Variants in TMEM63C observed in about 807,000 individuals in gnomAD.
The protein encoded by TMEM63C is transmembrane protein 63C.
In TMEM63C, 32 loss-of-function variants were observed where a neutral mutation model predicts 99.2. The observed-to-expected ratio is 0.32, with a 90% CI of 0.24 to 0.43. TMEM63C has a LOEUF of 0.43. TMEM63C is among the 20% of genes least tolerant of loss of function. The probability of loss-of-function intolerance (pLI) is 1.00; values close to 1 mark genes in which losing one functional copy is unlikely to be tolerated. For synonymous variants in TMEM63C, 376 were observed against 397.9 expected, an observed-to-expected ratio of 0.94 and a Z score of 0.66; for missense variants, 826 against 1,053.0, an observed-to-expected ratio of 0.78 and a Z score of 2.98.
At chr14:77,228,560 G>T (rs908938084) in intron 6 of TMEM63C, among the ~76,000 whole-genome samples, 8 of 147,522 alleles carry the variant, frequency 5.4e-5, no homozygotes, top group Admixed American at 2.0e-4. Context: ...TTTTTAAGAC[G>T]GAGTCTCACT....
At chr14:77,219,674 G>A in intron 4 of TMEM63C, 97 bp downstream of exon 4, 1 of 1,328,248 alleles carries the variant, frequency 7.5e-7, no homozygotes. Flanking sequence ...AGCTGCAGCA[G>A]GTGTCTCGCC....
intron 5 of TMEM63C, among the ~76,000 whole-genome samples, chr14:77,222,452 C>T (rs1447595304): frequency 1.3e-5 from 2 of 152,202 alleles, no homozygotes; most frequent in African/African-American, 4.8e-5. Context: ...GCTCTAGGGC[C>T]CTTATCCATT....
chr14:77,188,432 G>A (rs1420335737), intron 1 of TMEM63C, among the ~76,000 whole-genome samples: 1 of 152,196 alleles, frequency 6.6e-6, no homozygotes, highest in Non-Finnish European at 1.5e-5. Flanking sequence ...AGACATTCTG[G>A]CAAGAATGCT....
At chr14:77,220,892 C>A (rs572706779) in intron 5 of TMEM63C, among the ~76,000 whole-genome samples, 1 of 132,130 alleles carries the variant, frequency 7.6e-6, no homozygotes, top group African/African-American at 2.6e-5. Context: ...GCCCCGCCTC[C>A]CACTCACGCC....
In TMEM63C at chr14:77,246,691, G is replaced by A; in HGVS notation, c.1601+17G>A. Reference sequence around the variant, plus strand: ...CAGGTTCCAGTGAGTACTCCCATGTGTCCACCAGGGCTGCTGTGTGTGCAC... The same window carrying A: ...CAGGTTCCAGTGAGTACTCCCATGTATCCACCAGGGCTGCTGTGTGTGCAC... On this transcript the variant is annotated intron_variant, in intron 18 of 23. Coordinates refer to ENST00000298351, the MANE Select transcript of TMEM63C (RefSeq NM_020431.4). 1 of 1,607,150 alleles carries A rather than the reference G, an allele frequency of 6.2e-7. No homozygotes were observed. Among genetic ancestry groups the A allele is most frequent in the Non-Finnish European group, 8.5e-7 (1 of 1,174,536 alleles).
Position 77,208,808 on chromosome 14 carries a change from A to G in TMEM63C, c.-76-4638A>G, listed in dbSNP as rs117246163. Among the ~76,000 whole-genome samples the G allele has an allele frequency of 3.6e-3, 555 of 152,318 alleles. 11 individuals carry two copies. The East Asian group carries it at 0.066, about 18-fold the overall frequency. On this transcript the variant is annotated intron_variant, in intron 1 of 23. Transcript: ENST00000298351. ...ATTCTTGGGCTGGGGCAGCAGCGAG[A>G]ATTGCCTGGCCCTGCCCACGAGCCC...
chr14:77,219,560 G>T lies in TMEM63C; in HGVS notation c.213G>T (p.Leu71=). The T allele has an allele frequency of 6.2e-7, 1 of 1,613,990 alleles. No homozygotes were observed. Among genetic ancestry groups the T allele is most frequent in the Non-Finnish European group, 8.5e-7 (1 of 1,179,896 alleles). ...CGTGGGACTATGGGCGCCTGGCTCT[G>T]CTGATACACAATGACAGGTGAGGAG... ...KAAWDYGRLA[L]LIHNDSLTSL... The change falls in exon 4 of 24, where the codon CTG becomes CTT. Residue 71 remains leucine, a synonymous_variant. Transcript: ENST00000298351.
chr14:77,228,087 G>A (rs138070814), intron 6 of TMEM63C, among the ~76,000 whole-genome samples: 10 of 152,252 alleles, frequency 6.6e-5, no homozygotes, highest in African/African-American at 1.4e-4. Flanking sequence ...GATCCAGCAC[G>A]TCTTCAGAAA....
rs1295877594 is a variant in TMEM63C, at chr14:77,249,378, A to G, written c.1958A>G (p.His653Arg). ...CCCACCAAACTGAACGAGCAGATCC[A>G]CATGGCTGCCGTCTCCCAGGCCATC... ...FAPTKLNEQI[H>R]MAAVSQAIFA... The change falls in exon 21 of 24, where the codon CAC (histidine) becomes CGC (arginine). Residue 653 changes from histidine (H) to arginine (R), a missense_variant. By Grantham distance (29) the His-to-Arg change is conservative. Coordinates refer to ENST00000298351, the MANE Select transcript of TMEM63C (RefSeq NM_020431.4). The G allele has an allele frequency of 1.9e-6, 3 of 1,614,060 alleles. No individual in the cohort carries two copies. Among genetic ancestry groups the G allele is most frequent in the Non-Finnish European group, 8.5e-7 (1 of 1,179,900 alleles).
At chr14:77,206,588 G>T (rs144244658) in intron 1 of TMEM63C, among the ~76,000 whole-genome samples, 73 of 152,286 alleles carry the variant, frequency 4.8e-4, no homozygotes, top group African/African-American at 1.7e-3. Flanking sequence ...TAGGCAGCCT[G>T]CACAGGAACC....
intron 23 of TMEM63C, 129 bp downstream of exon 23, chr14:77,253,505 G>A (rs1352419055): frequency 4.9e-5 from 42 of 850,178 alleles, no homozygotes; most frequent in Non-Finnish European, 7.2e-5. Context: ...GGGGACCCCT[G>A]GGCTCCCTCC....
chr14:77,242,520 G>A, intron 14 of TMEM63C, 51 bp downstream of exon 14: 1 of 1,601,148 alleles, frequency 6.2e-7, no homozygotes, highest in Non-Finnish European at 8.5e-7. Flanking sequence ...TGAGACTGAA[G>A]AAGGCAGCAG....
intron 21 of TMEM63C, among the ~76,000 whole-genome samples, 179 bp downstream of exon 21, chr14:77,249,637 G>A (rs1889324157): frequency 6.6e-6 from 1 of 152,208 alleles, no homozygotes; most frequent in Non-Finnish European, 1.5e-5. Context: ...TCTCAGCTGA[G>A]CTTCAAGGCT....
At chr14:77,227,814 G>A (rs979245993) in intron 6 of TMEM63C, among the ~76,000 whole-genome samples, 1 of 152,156 alleles carries the variant, frequency 6.6e-6, no homozygotes, top group African/African-American at 2.4e-5. Flanking sequence ...GGCAGGCCGA[G>A]GATAGGATGT....
intron 1 of TMEM63C, among the ~76,000 whole-genome samples, chr14:77,196,757 C>T (rs1461646820): frequency 6.6e-6 from 1 of 152,232 alleles, no homozygotes; most frequent in Non-Finnish European, 1.5e-5. Context: ...TCAAGTATTA[C>T]TTGTATCAAT....
At chr14:77,193,149 T>C (rs1888138647) in intron 1 of TMEM63C, among the ~76,000 whole-genome samples, 1 of 152,218 alleles carries the variant, frequency 6.6e-6, no homozygotes, top group Non-Finnish European at 1.5e-5. Flanking sequence ...CAAAGGCCAT[T>C]CAGTCAATAA....
chr14:77,192,171 T>C (rs1303922801), intron 1 of TMEM63C, among the ~76,000 whole-genome samples: 1 of 152,230 alleles, frequency 6.6e-6, no homozygotes, highest in African/African-American at 2.4e-5. Flanking sequence ...TTTCCACCTA[T>C]GTGAGCCTTT....
intron 12 of TMEM63C, 54 bp downstream of exon 12, chr14:77,239,780 T>C: frequency 6.3e-7 from 1 of 1,594,658 alleles, no homozygotes; most frequent in Non-Finnish European, 8.5e-7. Context: ...GTCCTGGGGC[T>C]CTAGGCTCTG....
At chr14:77,251,671 G>A in intron 21 of TMEM63C, 118 bp from the exon 22 acceptor site, 2 of 735,524 alleles carry the variant, frequency 2.7e-6, no homozygotes, top group South Asian at 3.3e-5. Context: ...GTTATCAGAG[G>A]AGGACTGGCA....
Sources: allele counts gnomAD v4.1 joint callset (sites outside exome capture counted in the v4.1 genomes callset), GRCh38; gene constraint gnomAD v4.1.1; transcripts MANE v1.5; gene names NCBI Gene and HGNC (gene_info 2026-07-23, HGNC 2026-07-21).